TMEM272: variants seen among roughly 807,000 people sequenced by gnomAD.
TMEM272 encodes long intergenic non-protein coding RNA 282.
TMEM272 carries 8 observed loss-of-function variants against 3.7 expected under a neutral mutation model. The ratio of observed to expected loss-of-function variants is 2.17; its 90% confidence interval spans 1.27 to 3.91. The LOEUF (loss-of-function observed/expected upper bound fraction) is 3.91. TMEM272 is among the 30% of genes most tolerant of loss of function. The pLI is 0.00. For synonymous variants in TMEM272, 63 were observed against 39.8 expected (o/e 1.58, Z -2.20); for missense variants, 166 against 91.5 (o/e 1.81, Z -3.32).
the TMEM272 span, among the ~76,000 whole-genome samples, chr13:51,887,390 A>G: frequency 6.6e-6 from 1 of 152,234 alleles, no homozygotes; most frequent in Non-Finnish European, 1.5e-5. Flanking sequence ...ATGGCAAAGG[A>G]GAACCAAGGG....
the TMEM272 span, among the ~76,000 whole-genome samples, chr13:51,871,536 C>G: frequency 9.9e-5 from 15 of 152,012 alleles, no homozygotes; most frequent in Non-Finnish European, 1.8e-4. Flanking sequence ...AATGAAGCCT[C>G]CTGCCAATAA....
chr13:51,833,438 T>A (rs2139574281), intron 2 of TMEM272, among the ~76,000 whole-genome samples: 1 of 152,328 alleles, frequency 6.6e-6, no homozygotes, highest in South Asian at 2.1e-4. Flanking sequence ...GGGGTGGCTC[T>A]CGGAGTGAAG....
chr13:51,902,993 G>A, the TMEM272 span, among the ~76,000 whole-genome samples: 1 of 152,216 alleles, frequency 6.6e-6, no homozygotes, highest in Non-Finnish European at 1.5e-5. Flanking sequence ...TGGGAGATGA[G>A]TGCATCCGCC....
chr13:51,933,446 T>C, the TMEM272 span: 2 of 152,250 alleles, frequency 1.3e-5, no homozygotes, highest in African/African-American at 4.8e-5. Context: ...AAAACTATTT[T>C]GTGTGGGAGA....
intron 2 of TMEM272, among the ~76,000 whole-genome samples, chr13:51,837,806 C>CCA (rs1207063509): frequency 6.6e-6 from 1 of 152,214 alleles, no homozygotes; most frequent in Non-Finnish European, 1.5e-5. Context: ...TGCTGACCCT[C>CCA]CACCTTAGTC....
At chr13:51,886,388 C>T in the TMEM272 span, among the ~76,000 whole-genome samples, 1 of 152,230 alleles carries the variant, frequency 6.6e-6, no homozygotes, top group Non-Finnish European at 1.5e-5. Flanking sequence ...CATATAGTAA[C>T]TCACTTAATC....
chr13:51,909,836 ATT>A, the TMEM272 span: 1 of 1,591,152 alleles, frequency 6.3e-7, no homozygotes, highest in South Asian at 1.1e-5. Flanking sequence ...TCTCGATGTG[ATT>A]TTCTTTATCA....
At chr13:51,931,915 A>T in the TMEM272 span, among the ~76,000 whole-genome samples, 1 of 152,266 alleles carries the variant, frequency 6.6e-6, no homozygotes, top group African/African-American at 2.4e-5. Context: ...ATGGGGGAGA[A>T]CCTTGAAATA....
chr13:51,866,233 C>A, the TMEM272 span: 1 of 652,250 alleles, frequency 1.5e-6, no homozygotes, highest in Non-Finnish European at 2.5e-6. Context: ...GGAAAACCAA[C>A]TTATTTGAGG....
At chr13:51,846,136 C>A (rs922731967), upstream of TMEM272, among the ~76,000 whole-genome samples, 6 of 152,216 alleles carry the variant, frequency 3.9e-5, no homozygotes, top group African/African-American at 1.4e-4. Context: ...CACTCTAGGG[C>A]TGGCCCTGCC....
At chr13:51,927,851 G>C in the TMEM272 span, among the ~76,000 whole-genome samples, 3 of 152,146 alleles carry the variant, frequency 2.0e-5, no homozygotes, top group Non-Finnish European at 4.4e-5. Flanking sequence ...ACCGTGCTAG[G>C]CATTTTATGT....
chr13:51,852,923 G>A, the TMEM272 span, among the ~76,000 whole-genome samples: 1 of 151,486 alleles, frequency 6.6e-6, no homozygotes, highest in African/African-American at 2.4e-5. Flanking sequence ...AACAATGAGT[G>A]CTTAGGAGCA....
At chr13:51,924,066 C>T in the TMEM272 span, among the ~76,000 whole-genome samples, 6 of 152,184 alleles carry the variant, frequency 3.9e-5, no homozygotes, top group African/African-American at 1.2e-4. Flanking sequence ...TACTCCTGAT[C>T]AATTTTGAAA....
the TMEM272 span, among the ~76,000 whole-genome samples, chr13:51,927,676 C>T: frequency 1.3e-5 from 2 of 152,174 alleles, no homozygotes; most frequent in Non-Finnish European, 2.9e-5. Flanking sequence ...CCAATGTGCA[C>T]CAGCATCATT....
chr13:51,836,812 A>G (rs1035448105), intron 2 of TMEM272, among the ~76,000 whole-genome samples: 5 of 152,100 alleles, frequency 3.3e-5, no homozygotes, highest in African/African-American at 7.2e-5. Flanking sequence ...GCCCAGGGGG[A>G]AAACAGAAGC....
At chr13:51,848,633 G>A (rs563801077), upstream of TMEM272, among the ~76,000 whole-genome samples, 10 of 152,278 alleles carry the variant, frequency 6.6e-5, no homozygotes, top group African/African-American at 1.2e-4. Context: ...GAATGAGCAC[G>A]TGCCTGAGTT....
At chr13:51,859,429 G>C in the TMEM272 span, among the ~76,000 whole-genome samples, 2 of 151,548 alleles carry the variant, frequency 1.3e-5, no homozygotes, top group Non-Finnish European at 2.9e-5. Context: ...AGAAGGAAGC[G>C]AAGGCTAGGC....
At chr13:51,861,589 G>GT in the TMEM272 span, among the ~76,000 whole-genome samples, 1 of 152,012 alleles carries the variant, frequency 6.6e-6, no homozygotes, top group Non-Finnish European at 1.5e-5. Context: ...AAAAATGAAC[G>GT]TAACTTTAGA....
At chr13:51,903,069 CTAAA>C in the TMEM272 span, among the ~76,000 whole-genome samples, 3 of 152,174 alleles carry the variant, frequency 2.0e-5, no homozygotes, top group African/African-American at 7.2e-5. Context: ...AATCTAGTAC[CTAAA>C]TATAGTTTTG....
Sources: gnomAD v4.1 joint callset for allele counts (sites outside exome capture counted in the v4.1 genomes callset) on GRCh38, gnomAD v4.1.1 for gene constraint, MANE v1.5 for transcripts, NCBI Gene and HGNC (gene_info 2026-07-23, HGNC 2026-07-21) for gene names.